The following CASKIN2 variants were observed in gnomAD, a reference collection of about 807,000 sequenced individuals.
The protein encoded by CASKIN2 is CASK interacting protein 2, also known as caskin-2.
In CASKIN2, 41 loss-of-function variants were observed where a neutral mutation model predicts 107.1. The ratio of observed to expected loss-of-function variants is 0.38; its 90% CI spans 0.30 to 0.50. The LOEUF (loss-of-function observed/expected upper bound fraction) is 0.50. Among genes scored for constraint, CASKIN2 ranks in the 20% least tolerant of loss-of-function variants. CASKIN2 has a pLI of 0.92. For synonymous variants in CASKIN2, 724 were observed against 705.6 expected, an observed-to-expected ratio of 1.03 and a Z score of -0.41; for missense variants, 1,546 against 1,657.4, an observed-to-expected ratio of 0.93 and a Z score of 1.17.
chr17:75,512,401 C>T (rs941775641), intron 2 of CASKIN2, among the ~76,000 whole-genome samples: 1 of 152,118 alleles, frequency 6.6e-6, no homozygotes, highest in Non-Finnish European at 1.5e-5. Flanking sequence ...TGTGGGGGGT[C>T]GCACCACAGA....
chr17:75,506,969 G>A lies in CASKIN2; in HGVS notation c.390+15C>T. On this transcript the variant is annotated intron_variant, in intron 5 of 19. Coordinates refer to ENST00000321617, the MANE Select transcript of CASKIN2 (RefSeq NM_020753.5). This position sits in a 1 kb window ranked among gnomAD's most constrained non-coding sequence, Gnocchi z 4.8. ...CCCTGCCCTGCGCCACGCCCCTGTG[G>A]GCAGCCTCACGTACCACCTCATAAT... The A allele has an allele frequency of 6.2e-7, 1 of 1,613,186 alleles. No individual in the cohort carries two copies. The highest frequency in any genetic ancestry group is 8.5e-7 in the Non-Finnish European group (1 of 1,179,706).
intron 2 of CASKIN2, among the ~76,000 whole-genome samples, chr17:75,512,881 G>A (rs1439326954): frequency 1.5e-5 from 2 of 134,442 alleles, no homozygotes; most frequent in African/African-American, 5.4e-5. Flanking sequence ...GGCCGGGTGA[G>A]AAAGCAAGAC....
At chr17:75,510,714 C>T (rs2053309140) in intron 2 of CASKIN2, among the ~76,000 whole-genome samples, 1 of 152,140 alleles carries the variant, frequency 6.6e-6, no homozygotes, top group South Asian at 2.1e-4. Flanking sequence ...CCTCAGCCTC[C>T]TGAATAGGCG....
In CASKIN2 at chr17:75,505,742, C is replaced by A; in HGVS notation, c.835+79G>T. 1 of 1,549,562 alleles carries A rather than the reference C, an allele frequency of 6.5e-7. No homozygotes were observed. On this transcript the variant is annotated intron_variant, in intron 9 of 19. Coordinates refer to ENST00000321617, the MANE Select transcript of CASKIN2 (RefSeq NM_020753.5). The surrounding 1 kb of genome is among the most constrained non-coding windows in gnomAD (Gnocchi z 5.1). ...GCCCTTGACAACCCTCCCCCAGGGA[C>A]GTCCACTCCCCCTCCACATCCTGGT...
At chr17:75,511,244 A>C (rs2053313601) in intron 2 of CASKIN2, among the ~76,000 whole-genome samples, 1 of 151,820 alleles carries the variant, frequency 6.6e-6, no homozygotes, top group South Asian at 2.1e-4. Context: ...TATTTTTAGT[A>C]GAGACGGGGC....
intron 2 of CASKIN2, among the ~76,000 whole-genome samples, chr17:75,512,755 C>G (rs1183044624): frequency 6.6e-6 from 1 of 151,944 alleles, no homozygotes; most frequent in East Asian, 1.9e-4. Context: ...TAAAAATTAG[C>G]CAGGCGTTGT....
chr17:75,509,539 G>A, intron 2 of CASKIN2: 1 of 983,186 alleles, frequency 1.0e-6, no homozygotes, highest in Non-Finnish European at 1.2e-6. Flanking sequence ...AGCCAGGGAG[G>A]GACAAAGCGC....
chr17:75,504,096 C>G (rs1019750929), intron 14 of CASKIN2, 119 bp downstream of exon 14: 2 of 1,134,738 alleles, frequency 1.8e-6, no homozygotes, highest in Non-Finnish European at 2.5e-6. Flanking sequence ...CCCTACCCAC[C>G]CCGAGGCCCA....
chr17:75,508,299 T>A lies in CASKIN2; in HGVS notation c.95-14A>T. On this transcript the variant is annotated splice_polypyrimidine_tract_variant and intron_variant, in intron 2 of 19. Transcript: ENST00000321617. ...AGCCCAGGAGCTCTAGGGGTCAGGATAGGAGGTGTCAGGGCCATCAGATGA... is the reference window on the plus strand; with the variant it reads ...AGCCCAGGAGCTCTAGGGGTCAGGAAAGGAGGTGTCAGGGCCATCAGATGA... 6.2e-7 allele frequency: 1 copy of A among 1,612,898 alleles called. No homozygotes were observed. The highest frequency in any genetic ancestry group is 1.1e-5 in the South Asian group (1 of 90,828).
intron 1 of CASKIN2, 158 bp downstream of exon 1, chr17:75,515,243 G>A (rs2053348142): frequency 1.3e-5 from 2 of 152,724 alleles, no homozygotes; most frequent in Non-Finnish European, 1.5e-5. Context: ...AAGCCGGGCG[G>A]GCCAAGCGCC....
rs1220752688 is a variant in CASKIN2 at position 75,506,810 on chromosome 17, C to A, written c.475G>T (p.Gly159Cys). The change falls in exon 6 of 20, where the codon GGC (glycine) becomes TGC (cysteine). Residue 159 changes from glycine (G) to cysteine (C), a missense_variant. Physicochemically the swap from Gly to Cys is radical, Grantham distance 159. Around this residue, in one of 6 missense-constraint regions of CASKIN2, gnomAD observed 3 missense variants for 20.8 expected, o/e 0.14. Transcript: ENST00000321617. This position sits in a 1 kb window ranked among gnomAD's most constrained non-coding sequence, Gnocchi z 4.8. ...KTPLDLACEF[G>C]RLKVAQLLLN... ...GCTGCAGGCCTCACCTTGAGTCGGC[C>A]AAATTCACAGGCCAGGTCCAGGGGC... 2 of 1,613,676 alleles carry A rather than the reference C, an allele frequency of 1.2e-6. No homozygotes were observed.
chr17:75,506,550 G>T lies in CASKIN2; in HGVS notation c.617+33C>A. 1 of 1,609,554 alleles carries T rather than the reference G, an allele frequency of 6.2e-7. No individual in the cohort carries two copies. The highest frequency in any genetic ancestry group is 8.5e-7 in the Non-Finnish European group (1 of 1,177,840). On this transcript the variant is annotated intron_variant, in intron 7 of 19. Coordinates refer to ENST00000321617, the MANE Select transcript of CASKIN2 (RefSeq NM_020753.5). This position sits in a 1 kb window ranked among gnomAD's most constrained non-coding sequence, Gnocchi z 4.8. Reference sequence around the variant, plus strand: ...AGGGGCACCGATGGTCCCGCAGGCAGGTGATGAGGAAGCGAGGGGACCCCA... The same window carrying T: ...AGGGGCACCGATGGTCCCGCAGGCATGTGATGAGGAAGCGAGGGGACCCCA...
In CASKIN2 at chr17:75,504,665, C is replaced by T. The variant is rs2053244873; in HGVS notation, c.1221G>A (p.Glu407=). The T allele has an allele frequency of 6.2e-7, 1 of 1,603,274 alleles. No homozygotes were observed. The highest frequency in any genetic ancestry group is 1.7e-5 in the Admixed American group (1 of 59,072). The part of the protein sequence containing the change: ...PAGDRNSVGS[E]GSVGSIRSAG... ...CACTGCGGATGCTGCCCACGCTGCC[C>T]TCACTGCCCACACTATTCCTGTCAC... The change falls in exon 12 of 20, where the codon GAG becomes GAA. Residue 407 remains glutamate (E), a synonymous_variant. Transcript: ENST00000321617.
chr17:75,508,268 T>C lies in CASKIN2; in HGVS notation c.112A>G (p.Lys38Glu). 1 of 1,613,838 alleles carries C rather than the reference T, an allele frequency of 6.2e-7. No homozygotes were observed. Among genetic ancestry groups the C allele is most frequent in the Non-Finnish European group, 8.5e-7 (1 of 1,179,888 alleles). Residue 38 changes from lysine (K) to glutamate (E), a missense_variant, in exon 3 of 20, where the codon AAG becomes GAG. By Grantham distance (56) the Lys-to-Glu change is moderately conservative (BLOSUM62 1). This residue lies in a region of CASKIN2 where 136 missense variants were observed against 198.6 expected (regional missense o/e 0.68). Transcript: ENST00000321617. Reference protein sequence around the residue: ...ATKTKLLGSTKRLNVNYQDAD... With the variant: ...ATKTKLLGSTERLNVNYQDAD... ...TCCTGGTAGTTCACGTTGAGCCTCT[T>C]TGTGGAGCCCAGGAGCTCTAGGGGT...
At chr17:75,501,412 G>A in intron 19 of CASKIN2, 56 bp downstream of exon 19, 1 of 1,526,634 alleles carries the variant, frequency 6.6e-7, no homozygotes, top group Non-Finnish European at 9.0e-7. Context: ...GGCAGAGGAT[G>A]CAGGGAGCAC....
chr17:75,504,818 T>A lies in CASKIN2; in HGVS notation c.1186A>T (p.Ser396Cys). ...GCCCCCTGGGAGGATGTACCTGGGC[T>A]GTCTGGGCTGAGGCCCACCCGAGGA... ...QLPRVGLSPD[S>C]PAGDRNSVGS... is the part of the protein sequence containing the mutation. Residue 396 changes from serine (S) to cysteine (C), a missense_variant, in exon 11 of 20, where the codon AGC becomes TGC. Around this residue, in one of 6 missense-constraint regions of CASKIN2, gnomAD observed 1,311 missense variants for 1,311.0 expected, o/e 1.00. Coordinates refer to ENST00000321617, the MANE Select transcript of CASKIN2 (RefSeq NM_020753.5). 1 of 1,609,918 alleles carries A rather than the reference T, an allele frequency of 6.2e-7. No individual in the cohort carries two copies. The highest frequency in any genetic ancestry group is 8.5e-7 in the Non-Finnish European group (1 of 1,178,776).
intron 1 of CASKIN2, among the ~76,000 whole-genome samples, chr17:75,514,516 C>T (rs2053340159): frequency 2.0e-5 from 3 of 152,066 alleles, no homozygotes; most frequent in Non-Finnish European, 2.9e-5. Flanking sequence ...CTGGGGCAGG[C>T]CGGGCCAGCA....
Position 75,504,995 on chromosome 17 carries a change from A to T in CASKIN2, c.1009T>A (p.Phe337Ile), listed in dbSNP as rs1316269359. 2.5e-6 allele frequency: 4 copies of T among 1,610,108 alleles called. No homozygotes were observed. The South Asian group carries it at 4.4e-5, about 18-fold the overall frequency. Residue 337 changes from phenylalanine to isoleucine, a missense_variant, in exon 11 of 20, where the codon TTC (phenylalanine) becomes ATC (isoleucine). By Grantham distance (21) the Phe-to-Ile change is conservative. Transcript: ENST00000321617. ...ACCACCTCGACAATGCCCGGGGGGA[A>T]GTAGCCTATGCGGTCTGTGCCCCTC... ...SQRGTDRIGY[F>I]PPGIVEVVSK...
At chr17:75,507,237 G>C in intron 4 of CASKIN2, 108 bp from the exon 5 acceptor site, 1 of 1,262,758 alleles carries the variant, frequency 7.9e-7, no homozygotes, top group Non-Finnish European at 1.1e-6. Context: ...GAGAGCCCAC[G>C]GGGATGCAAT....
Sources: allele counts gnomAD v4.1 joint callset (sites outside exome capture counted in the v4.1 genomes callset), GRCh38; gene constraint gnomAD v4.1.1; regional missense constraint gnomAD v4.1.1; non-coding constraint Gnocchi (gnomAD v3.1); transcripts MANE v1.5; gene names NCBI Gene and HGNC (gene_info 2026-07-23, HGNC 2026-07-21).